Variants in ASPSCR1 observed in about 807,000 individuals in gnomAD.
ASPSCR1 encodes tether containing UBX domain for GLUT4.
ASPSCR1 carries 55 observed loss-of-function variants against 68.9 expected under a neutral mutation model. That is an observed-to-expected ratio of 0.80 (90% CI 0.64 to 1.00). The LOEUF (loss-of-function observed/expected upper bound fraction) is 1.00, where lower values mean the gene tolerates loss of function less well. Among genes scored for constraint, ASPSCR1 ranks in the 50% least tolerant of loss-of-function variants. The probability of loss-of-function intolerance (pLI) is 0.00; values close to 1 mark genes in which losing one functional copy is unlikely to be tolerated. For synonymous variants in ASPSCR1, 352 were observed against 332.6 expected (o/e 1.06, Z -0.63); for missense variants, 765 against 762.2 (o/e 1.00, Z -0.04).
At chr17:81,985,157 C>G (rs940745573) in intron 3 of ASPSCR1, among the ~76,000 whole-genome samples, 1 of 150,484 alleles carries the variant, frequency 6.6e-6, no homozygotes, top group South Asian at 2.1e-4. Flanking sequence ...CACGCACATG[C>G]GCACACCTGC....
At position 81,983,480 on chromosome 17, in the gene ASPSCR1, G is replaced by GGGATGTCGGGGCGT. The variant is rs2041862856; in HGVS notation, c.159-69_159-68insTCGGGGCGTGGATG. The GGGATGTCGGGGCGT allele has an allele frequency of 8.3e-7, 1 of 1,210,892 alleles. No individual in the cohort carries two copies. 75.0% of individuals were successfully genotyped at this position (1,210,892 alleles called of 1,614,324 possible). A position where few individuals can be genotyped will look rare whatever the true frequency, so the allele number is the denominator to read the frequency against. ...ATGGCGGGGCGTGGATGGTGGGACG[G>GGGATGTCGGGGCGT]GGATGGCGGGGCGTGGATGGCAGGG... On this transcript the variant is annotated intron_variant, in intron 2 of 15. Transcript: ENST00000306739. The surrounding 1 kb of genome is among the most constrained non-coding windows in gnomAD (Gnocchi z 4.4).
intron 10 of ASPSCR1, 48 bp downstream of exon 10, chr17:82,010,916 G>T: frequency 4.4e-6 from 7 of 1,591,034 alleles, no homozygotes; most frequent in Non-Finnish European, 5.1e-6. Flanking sequence ...GGGGCCCATG[G>T]GGCCTCTCCC....
intron 7 of ASPSCR1, chr17:82,006,817 C>G (rs2042736625): frequency 6.6e-6 from 1 of 152,350 alleles, no homozygotes; most frequent in Non-Finnish European, 1.5e-5. Flanking sequence ...GGGAGCGGCG[C>G]TGATGCCACA....
chr17:82,012,421 T>C (rs577706115), intron 12 of ASPSCR1, 138 bp downstream of exon 12: 2 of 1,024,176 alleles, frequency 2.0e-6, no homozygotes, highest in South Asian at 2.9e-5. Context: ...AGCCGGTGGG[T>C]TCCGAGGGGG....
At chr17:82,009,369 C>G (rs2042833801) in intron 8 of ASPSCR1, 117 bp from the exon 9 acceptor site, 1 of 1,359,022 alleles carries the variant, frequency 7.4e-7, no homozygotes, top group African/African-American at 1.5e-5. Flanking sequence ...ACCTTCCTGC[C>G]TTGTGTGGGG....
At position 82,015,699 on chromosome 17, in the gene ASPSCR1, G is replaced by C. The variant is rs1336923234; in HGVS notation, c.1354-777G>C. ...CGCAGCCTGGGTGTGAATCTTGGAG[G>C]CCCGGTGGTGGCGGAGCATGCTCTC... On this transcript the variant is annotated intron_variant, in intron 12 of 15. Coordinates refer to ENST00000306739, the MANE Select transcript of ASPSCR1 (RefSeq NM_024083.4). 4 of 330,256 alleles carry C rather than the reference G, an allele frequency of 1.2e-5. No individual in the cohort carries two copies. The South Asian group carries it at 1.6e-4, about 13-fold the overall frequency. The allele number at this position is 330,256 out of a possible 1,614,324, so 20.5% of individuals were successfully genotyped here.
At chr17:82,009,261 C>CGCTGTCCCCAGTGCCAGCACTGGCTCCCG (rs1567987708) in intron 8 of ASPSCR1, 70 bp downstream of exon 8, 7 of 1,499,132 alleles carry the variant, frequency 4.7e-6, no homozygotes, top group Non-Finnish European at 5.4e-6. Context: ...TTGTGCTGCC[C>CGCTGTCCCCAGTGCCAGCACTGGCTCCCG]GCTGTCCCCA....
intron 7 of ASPSCR1, among the ~76,000 whole-genome samples, chr17:82,001,530 G>A (rs982261154): frequency 3.3e-5 from 5 of 152,206 alleles, no homozygotes; most frequent in Admixed American, 1.3e-4. Context: ...GCTGAGTCCC[G>A]GCTGTTTAGA....
intron 11 of ASPSCR1, 69 bp from the exon 12 acceptor site, chr17:82,012,162 C>G: frequency 6.5e-7 from 1 of 1,542,890 alleles, no homozygotes; most frequent in African/African-American, 1.4e-5. Flanking sequence ...GCAGGCCTGT[C>G]TTCCTTCGGG....
At chr17:82,011,176 C>T (rs951804174) in intron 10 of ASPSCR1, among the ~76,000 whole-genome samples, 2 of 152,104 alleles carry the variant, frequency 1.3e-5, no homozygotes, top group Non-Finnish European at 2.9e-5. Flanking sequence ...CACCCTACCC[C>T]GGGAGGAGGG....
At chr17:81,994,686 G>C (rs2042278100) in intron 4 of ASPSCR1, 135 bp from the exon 5 acceptor site, 1 of 879,418 alleles carries the variant, frequency 1.1e-6, no homozygotes, top group African/African-American at 1.7e-5. Flanking sequence ...CTGGGCCTGG[G>C]CCTGGGACGC....
intron 7 of ASPSCR1, chr17:82,005,549 C>G (rs34713087): frequency 0.022 from 3,385 of 152,282 alleles, 44 homozygotes; most frequent in Non-Finnish European, 0.033. Flanking sequence ...CACCTGGCGG[C>G]CACACACCTG....
chr17:81,984,316 G>GC (rs1449919214), intron 3 of ASPSCR1, among the ~76,000 whole-genome samples: 1 of 152,130 alleles, frequency 6.6e-6, no homozygotes, highest in African/African-American at 2.4e-5. Flanking sequence ...CGCAAGGGCA[G>GC]CCTGTAATCC....
At position 82,011,531 on chromosome 17, in the gene ASPSCR1, T is replaced by C. The variant is rs751786019; in HGVS notation, c.1238-12T>C. 2.5e-6 allele frequency: 4 copies of C among 1,577,088 alleles called. No homozygotes were observed. The highest frequency in any genetic ancestry group is 1.2e-5 in the South Asian group (1 of 86,082). ...GGAAGAGCTGTCTGTATGTTCTTTT[T>C]CTCCTCTGCAGTGGGGGACTTGCGA... On this transcript the variant is annotated splice_polypyrimidine_tract_variant and intron_variant, in intron 10 of 15. Transcript: ENST00000306739.
At position 81,977,685 on chromosome 17, in the gene ASPSCR1, G is replaced by C. The variant is rs748748207; in HGVS notation, c.39G>C (p.Ser13=). The part of the protein sequence containing the change: ...APAGGGGSAV[S]VLAPNGRRHT... ...CAGGCGGCGGAGGCTCCGCGGTGTC[G>C]GTGCTGGCCCCGAACGGCCGGCGCC... Residue 13 remains serine, a synonymous_variant, in exon 1 of 16, where the codon TCG becomes TCC. Transcript: ENST00000306739. The surrounding 1 kb of genome is among the most constrained non-coding windows in gnomAD (Gnocchi z 5.0). The C allele has an allele frequency of 2.9e-6, 4 of 1,394,996 alleles. No homozygotes were observed. Among genetic ancestry groups the C allele is most frequent in the Non-Finnish European group, 3.7e-6 (4 of 1,069,536 alleles). The allele number at this position is 1,394,996 out of a possible 1,614,324, so 86.4% of individuals were successfully genotyped here.
At chr17:81,978,876 G>A (rs1042868108) in intron 1 of ASPSCR1, 58 of 456,364 alleles carry the variant, frequency 1.3e-4, no homozygotes, top group Non-Finnish European at 2.0e-4. Context: ...CAGAACTACA[G>A]GGTTTGAAGG....
At chr17:81,979,273 G>A in intron 2 of ASPSCR1, 34 bp downstream of exon 2, 2 of 1,604,186 alleles carry the variant, frequency 1.2e-6, no homozygotes, top group Non-Finnish European at 1.7e-6. Context: ...CAGGGTCTGA[G>A]TATATCTGTG....
intron 2 of ASPSCR1, 102 bp downstream of exon 2, chr17:81,979,341 C>A: frequency 7.6e-7 from 1 of 1,324,234 alleles, no homozygotes; most frequent in Non-Finnish European, 1.1e-6. Flanking sequence ...TGGTTTTAAA[C>A]AGTCATATAT....
chr17:82,008,851 G>T lies in ASPSCR1; in HGVS notation c.934-186G>T, dbSNP rs951111505. On this transcript the variant is annotated intron_variant, in intron 7 of 15. Coordinates refer to ENST00000306739, the MANE Select transcript of ASPSCR1 (RefSeq NM_024083.4). ...CTGGACAGGCTCTGAGTGGGGTGGG[G>T]TCCCCCAGCTGCTGTGCCCAGCCCT... The T allele has an allele frequency of 2.5e-5, 19 of 750,124 alleles. No homozygotes were observed. In the South Asian group the frequency reaches 3.1e-4, roughly 12 times the overall value. 46.5% of individuals were successfully genotyped at this position (750,124 alleles called of 1,614,324 possible).
Sources: allele counts gnomAD v4.1 joint callset (sites outside exome capture counted in the v4.1 genomes callset), GRCh38; gene constraint gnomAD v4.1.1; non-coding constraint Gnocchi (gnomAD v3.1); transcripts MANE v1.5; gene names NCBI Gene and HGNC (gene_info 2026-07-23, HGNC 2026-07-21).